Variants in IFT140 observed in about 807,000 individuals in gnomAD.
IFT140 encodes intraflagellar transport protein 140 homolog.
IFT140 carries 133 observed loss-of-function variants against 164.6 expected under a neutral mutation model. That is an observed-to-expected ratio of 0.81 (90% confidence interval 0.70 to 0.93). IFT140 has a LOEUF of 0.93. Among genes scored for constraint, IFT140 ranks in the 40% least tolerant of loss-of-function variants. IFT140 has a pLI of 0.00. For missense variants in IFT140, 2,045 were observed against 1,972.3 expected (o/e 1.04, Z -0.70); for synonymous variants, 860 against 817.3 (o/e 1.05, Z -0.89).
In IFT140 at chr16:1,520,312, G is replaced by C; in HGVS notation, c.3692C>G (p.Thr1231Arg). 1 of 1,614,200 alleles carries C rather than the reference G, an allele frequency of 6.2e-7. No homozygotes were observed. The highest frequency in any genetic ancestry group is 1.3e-5 in the African/African-American group (1 of 75,068). ...GCTCGCGAAGAACGTGATTTTCTCCGTGTCTCCGGATTTGAGCAGCGCCCT... is the reference window on the plus strand; with the variant it reads ...GCTCGCGAAGAACGTGATTTTCTCCCTGTCTCCGGATTTGAGCAGCGCCCT... The part of the protein sequence containing the change: ...AMRALLKSGD[T>R]EKITFFASVS... The change falls in exon 28 of 31, where the codon ACG (threonine) becomes AGG (arginine). Residue 1231 changes from threonine (T) to arginine (R), a missense_variant. Transcript: ENST00000426508.
chr16:1,512,632 C>T (rs1171321700), intron 30 of IFT140, among the ~76,000 whole-genome samples: 1 of 152,158 alleles, frequency 6.6e-6, no homozygotes, highest in Non-Finnish European at 1.5e-5. Context: ...ATACGGAAAA[C>T]TATAGTTCTC....
chr16:1,600,322 C>T lies in IFT140; in HGVS notation c.369+2048G>A, dbSNP rs1208205436. 2.1e-5 allele frequency among the ~76,000 whole-genome samples: 3 copies of T among 142,260 alleles called. 1 individual carries two copies. Among genetic ancestry groups the T allele is most frequent in the South Asian group, 4.9e-4 (2 of 4,104 alleles). 93.3% of individuals were successfully genotyped at this position (142,260 alleles called of 152,430 possible). ...TCAGGGACACAAACACTGCGGAAGG[C>T]CGCAGGGTCCTCTGCCTAGGAAAAC... On this transcript the variant is annotated intron_variant, in intron 4 of 30. Coordinates refer to ENST00000426508, the MANE Select transcript of IFT140 (RefSeq NM_014714.4).
Position 1,553,554 on chromosome 16 carries a change from G to T in IFT140, c.2399+4381C>A, listed in dbSNP as rs1030935842. On this transcript the variant is annotated intron_variant, in intron 19 of 30. Transcript: ENST00000426508. This position sits in a 1 kb window ranked among gnomAD's most constrained non-coding sequence, Gnocchi z 4.4. ...AGTCCTCTATGGACAAGAGGGGCTG[G>T]AGAGTTTAATCTGGACCAGTGTAAG... The T allele has an allele frequency of 1.0e-5, 10 of 1,002,510 alleles. No individual in the cohort carries two copies. The highest frequency in any genetic ancestry group is 1.1e-5 in the Non-Finnish European group (9 of 839,202). The allele number at this position is 1,002,510 out of a possible 1,614,324, so 62.1% of individuals were successfully genotyped here. A position where few individuals can be genotyped will look rare whatever the true frequency, so the allele number is the denominator to read the frequency against.
chr16:1,595,810 T>C (rs756077346), intron 4 of IFT140, among the ~76,000 whole-genome samples: 1 of 152,150 alleles, frequency 6.6e-6, no homozygotes, highest in African/African-American at 2.4e-5. Context: ...CCCAGCACTT[T>C]GGGAGACCGA....
intron 19 of IFT140, among the ~76,000 whole-genome samples, chr16:1,552,342 C>T (rs1472730286): frequency 3.3e-5 from 5 of 152,092 alleles, no homozygotes; most frequent in African/African-American, 1.2e-4. Context: ...GAGCGCCCCA[C>T]CCCTCCCGCT....
Position 1,525,984 on chromosome 16 carries a change from C to T in IFT140, c.2671G>A (p.Val891Ile), listed in dbSNP as rs1454134407. The T allele has an allele frequency of 6.3e-7, 1 of 1,595,046 alleles. No individual in the cohort carries two copies. Reference sequence around the variant, plus strand: ...TGCACGCGATCGTGGTGCTCGGCTACCTGGAGGGCCTCCTGCCACCGGCCC... The same window carrying T: ...TGCACGCGATCGTGGTGCTCGGCTATCTGGAGGGCCTCCTGCCACCGGCCC... ...AAGRWQEALQ[V>I]AEHHDRVHLR... Residue 891 changes from valine (V) to isoleucine (I), a missense_variant, in exon 21 of 31, where the codon GTA becomes ATA. Coordinates refer to ENST00000426508, the MANE Select transcript of IFT140 (RefSeq NM_014714.4).
intron 4 of IFT140, among the ~76,000 whole-genome samples, chr16:1,600,518 C>A (rs1460574048): frequency 6.6e-6 from 1 of 151,072 alleles, no homozygotes; most frequent in African/African-American, 2.4e-5. Flanking sequence ...AGGTTACTCA[C>A]TGCACCATTG....
intron 18 of IFT140, among the ~76,000 whole-genome samples, chr16:1,560,173 G>A (rs900497613): frequency 2.6e-5 from 4 of 152,148 alleles, no homozygotes; most frequent in Non-Finnish European, 5.9e-5. Context: ...ATTAAAATAC[G>A]GGAATTAAGG....
intron 13 of IFT140, among the ~76,000 whole-genome samples, chr16:1,574,038 C>T (rs1005108098): frequency 6.6e-6 from 1 of 152,014 alleles, no homozygotes; most frequent in African/African-American, 2.4e-5. Context: ...TGAGAACTAA[C>T]CTGATAAGCT....
At chr16:1,541,952 G>C in intron 19 of IFT140, 1 of 1,608,642 alleles carries the variant, frequency 6.2e-7, no homozygotes, top group South Asian at 1.1e-5. Context: ...CCTGCAACCT[G>C]GTGGCCACGG....
intron 13 of IFT140, chr16:1,577,471 A>G (rs952445561): frequency 3.3e-5 from 5 of 152,176 alleles, no homozygotes; most frequent in African/African-American, 1.2e-4. Flanking sequence ...GAGTACTGCA[A>G]TTCTGGCAGA....
At chr16:1,534,436 G>C in intron 19 of IFT140, 1 of 1,612,030 alleles carries the variant, frequency 6.2e-7, no homozygotes, top group Non-Finnish European at 8.5e-7. Context: ...CTGGTGGACA[G>C]GACCCGGGGA....
At chr16:1,569,516 TTC>T (rs970843571) in intron 14 of IFT140, among the ~76,000 whole-genome samples, 1 of 147,986 alleles carries the variant, frequency 6.8e-6, no homozygotes, top group Non-Finnish European at 1.5e-5. Flanking sequence ...TTTCCCTTTT[TTC>T]TTTCTTTCTT....
At chr16:1,597,353 G>A (rs1049649845) in intron 4 of IFT140, among the ~76,000 whole-genome samples, 2 of 152,214 alleles carry the variant, frequency 1.3e-5, no homozygotes, top group African/African-American at 4.8e-5. Context: ...CACTTGGCCC[G>A]AGCTGGACTT....
In IFT140 at chr16:1,524,498, C is replaced by T. The variant is rs1471344668; in HGVS notation, c.3141+54G>A. On this transcript the variant is annotated intron_variant, in intron 24 of 30. Transcript: ENST00000426508. The stretch of plus-strand genomic sequence containing the variant: ...TCTCTGTCCACTTTTCCACTTGAAG[C>T]TCTCCTCAGGGGACCTCGAGAAGCG... 17 of 1,589,088 alleles carry T rather than the reference C, an allele frequency of 1.1e-5. No homozygotes were observed. In the South Asian group the frequency reaches 1.9e-4, roughly 18 times the overall value.
At chr16:1,538,550 C>T (rs1463850443) in intron 19 of IFT140, among the ~76,000 whole-genome samples, 3 of 152,190 alleles carry the variant, frequency 2.0e-5, no homozygotes, top group East Asian at 1.9e-4. Context: ...CAGGGCAGAG[C>T]GCAGAGCCCT....
At chr16:1,532,199 C>G (rs145355804) in intron 19 of IFT140, 3 of 152,312 alleles carry the variant, frequency 2.0e-5, no homozygotes, top group African/African-American at 7.2e-5. Context: ...CACTGTGCCC[C>G]GCACGCCCCG....
intron 13 of IFT140, among the ~76,000 whole-genome samples, chr16:1,572,538 C>T (rs190238492): frequency 0.019 from 2,817 of 152,168 alleles, 35 homozygotes; most frequent in Non-Finnish European, 0.026. Context: ...CCCAGCTACT[C>T]GGGAGGCTGA....
At chr16:1,548,683 C>T (rs576524137) in intron 19 of IFT140, among the ~76,000 whole-genome samples, 2 of 152,306 alleles carry the variant, frequency 1.3e-5, no homozygotes, top group African/African-American at 4.8e-5. Flanking sequence ...AGGGCCAGCC[C>T]CAGCCCTGTC....
Sources: gnomAD v4.1 joint callset for allele counts (sites outside exome capture counted in the v4.1 genomes callset) on GRCh38, gnomAD v4.1.1 for gene constraint, Gnocchi (gnomAD v3.1) non-coding constraint, MANE v1.5 for transcripts, NCBI Gene and HGNC (gene_info 2026-07-23, HGNC 2026-07-21) for gene names.